CPNE4: variants seen among roughly 807,000 people sequenced by gnomAD.
The protein encoded by CPNE4 is copine-4.
CPNE4 carries 25 observed loss-of-function variants against 67.9 expected under a neutral mutation model. The observed-to-expected ratio is 0.37, with a 90% CI of 0.27 to 0.51. CPNE4 has a LOEUF of 0.51. Among genes scored for constraint, CPNE4 ranks in the 20% least tolerant of loss-of-function variants. CPNE4 has a pLI of 0.93. For synonymous variants in CPNE4, 242 were observed against 244.9 expected, an observed-to-expected ratio of 0.99 and a Z score of 0.11; for missense variants, 464 against 690.8, an observed-to-expected ratio of 0.67 and a Z score of 3.68.
At chr3:131,740,263 T>C (rs373339407) in intron 2 of CPNE4, among the ~76,000 whole-genome samples, 5 of 152,198 alleles carry the variant, frequency 3.3e-5, no homozygotes, top group Non-Finnish European at 7.3e-5. Flanking sequence ...GCTGTCCATA[T>C]TGGCATGATC....
intron 2 of CPNE4, among the ~76,000 whole-genome samples, chr3:131,869,590 A>G (rs2087107971): frequency 6.6e-6 from 1 of 152,202 alleles, no homozygotes; most frequent in African/African-American, 2.4e-5. Context: ...TTTTATAATA[A>G]TGGAACATTT....
intron 1 of CPNE4, among the ~76,000 whole-genome samples, chr3:131,953,241 A>AAAAAT (rs1423481181): frequency 2.6e-5 from 3 of 114,754 alleles, no homozygotes; most frequent in East Asian, 5.1e-4. Flanking sequence ...TGATCAATTA[A>AAAAAT]AAAAAAAAAA....
chr3:131,658,952 G>A (rs1157998977), intron 7 of CPNE4, among the ~76,000 whole-genome samples: 1 of 152,184 alleles, frequency 6.6e-6, no homozygotes, highest in Non-Finnish European at 1.5e-5. Context: ...TGCAGAAACT[G>A]ACTCAATGAA....
At chr3:132,026,969 G>A (rs993030544) in intron 1 of CPNE4, among the ~76,000 whole-genome samples, 2 of 152,234 alleles carry the variant, frequency 1.3e-5, no homozygotes, top group African/African-American at 4.8e-5. Context: ...TAAAGCTTAA[G>A]CCCTTATCAT....
At chr3:131,922,042 G>C (rs896640104) in intron 1 of CPNE4, among the ~76,000 whole-genome samples, 1 of 152,132 alleles carries the variant, frequency 6.6e-6, no homozygotes, top group African/African-American at 2.4e-5. Flanking sequence ...CCCACATTCT[G>C]AGCATAGTAC....
intron 2 of CPNE4, among the ~76,000 whole-genome samples, chr3:131,780,381 T>C (rs757599908): frequency 5.3e-5 from 8 of 152,144 alleles, no homozygotes; most frequent in Non-Finnish European, 1.2e-4. Context: ...CATGCATGCT[T>C]GTTCATTGTG....
At chr3:131,583,705 G>A (rs1220607104) in intron 8 of CPNE4, among the ~76,000 whole-genome samples, 3 of 152,154 alleles carry the variant, frequency 2.0e-5, no homozygotes, top group Non-Finnish European at 4.4e-5. Flanking sequence ...GTACTTGTGA[G>A]GTGGGTAGGG....
rs551112085 is a variant in CPNE4, at chr3:131,901,512, G to A, written c.180+3752C>T. On this transcript the variant is annotated intron_variant, in intron 2 of 15. Coordinates refer to ENST00000429747, the MANE Select transcript of CPNE4 (RefSeq NM_130808.3). ...CCTCTTTTCTGTCAATAAAAATCAT[G>A]GCCATTATTAAAGATTTACTGTAAG... Among the ~76,000 whole-genome samples, 13 of 151,978 alleles carry A rather than the reference G, an allele frequency of 8.6e-5. No individual in the cohort carries two copies. The South Asian group carries it at 2.7e-3, about 32-fold the overall frequency.
chr3:131,876,641 C>CAA (rs61625119), intron 2 of CPNE4, among the ~76,000 whole-genome samples: 3 of 101,630 alleles, frequency 3.0e-5, no homozygotes, highest in African/African-American at 4.2e-5. Context: ...GACTCCGTCT[C>CAA]AAAAAAAAAA....
chr3:131,851,009 A>C (rs941353051), intron 2 of CPNE4, among the ~76,000 whole-genome samples: 4 of 152,144 alleles, frequency 2.6e-5, no homozygotes, highest in Non-Finnish European at 5.9e-5. Context: ...AAGACAACAT[A>C]AGAACCTTCA....
In CPNE4 at chr3:131,871,132, T is replaced by G. The variant is rs187136053; in HGVS notation, c.180+34132A>C. Among the ~76,000 whole-genome samples the G allele has an allele frequency of 3.7e-3, 570 of 152,178 alleles. 2 individuals are homozygous for G. The highest frequency in any genetic ancestry group is 0.017 in the Middle Eastern group (5 of 294). ...CATTGCAGAGGTATAAAGTAATCCC[T>G]GGATGAAATAAGAAGGGTAAAGGAG... On this transcript the variant is annotated intron_variant, in intron 2 of 15. Transcript: ENST00000429747.
At chr3:131,841,433 CAGG>C (rs1266505639) in intron 2 of CPNE4, among the ~76,000 whole-genome samples, 3 of 152,324 alleles carry the variant, frequency 2.0e-5, no homozygotes, top group South Asian at 2.1e-4. Context: ...GGCTGCAGAG[CAGG>C]AGGTGAGCAG....
chr3:131,666,643 A>T (rs541585380), intron 7 of CPNE4, among the ~76,000 whole-genome samples: 129 of 152,338 alleles, frequency 8.5e-4, no homozygotes, highest in Middle Eastern at 3.4e-3. Context: ...AAATATATTT[A>T]AAAAATCCAT....
At chr3:131,584,797 G>A (rs1170231143) in intron 8 of CPNE4, among the ~76,000 whole-genome samples, 1 of 152,160 alleles carries the variant, frequency 6.6e-6, no homozygotes, top group Non-Finnish European at 1.5e-5. Flanking sequence ...TAGCATGACT[G>A]AGGAACTTAA....
chr3:131,856,863 T>A (rs1249871472), intron 2 of CPNE4, among the ~76,000 whole-genome samples: 1 of 152,018 alleles, frequency 6.6e-6, no homozygotes, highest in Admixed American at 6.6e-5. Context: ...ACTTACCCAA[T>A]GTCACAGAGC....
chr3:131,634,951 T>C (rs1444201247), intron 7 of CPNE4, among the ~76,000 whole-genome samples: 4 of 152,186 alleles, frequency 2.6e-5, no homozygotes, highest in Admixed American at 2.6e-4. Context: ...CAGTCACATA[T>C]GATCTTTTAA....
upstream of CPNE4, chr3:132,035,492 A>T (rs148246565): frequency 4.6e-5 from 7 of 152,326 alleles, no homozygotes; most frequent in East Asian, 1.4e-3. Flanking sequence ...ATGGACAAAG[A>T]GTATTTTCTT....
At chr3:131,536,663 T>C (rs1432922788) in intron 15 of CPNE4, among the ~76,000 whole-genome samples, 2 of 152,266 alleles carry the variant, frequency 1.3e-5, no homozygotes, top group African/African-American at 2.4e-5. Flanking sequence ...ATGTATCTTT[T>C]AAGCAATCTG....
intron 2 of CPNE4, among the ~76,000 whole-genome samples, chr3:131,874,245 C>T (rs1425112423): frequency 2.0e-5 from 3 of 152,056 alleles, no homozygotes; most frequent in South Asian, 2.1e-4. Flanking sequence ...CCCTCCACCA[C>T]GCCCAGCTAA....
Sources: allele counts gnomAD v4.1 joint callset (sites outside exome capture counted in the v4.1 genomes callset), GRCh38; gene constraint gnomAD v4.1.1; transcripts MANE v1.5; gene names NCBI Gene and HGNC (gene_info 2026-07-23, HGNC 2026-07-21).